Variants in RBFOX3 observed in about 807,000 individuals in gnomAD.
RBFOX3 encodes RNA binding fox-1 homolog 3.
A neutral mutation model predicts 48.7 loss-of-function variants in RBFOX3; 17 were observed. That is an observed-to-expected ratio of 0.35 (90% CI 0.24 to 0.52). The LOEUF (loss-of-function observed/expected upper bound fraction) is 0.52, where lower values mean the gene tolerates loss of function less well. Ranked by LOEUF, RBFOX3 falls within the 20% of genes least tolerant of loss-of-function variation. The probability of loss-of-function intolerance (pLI) is 0.94; values close to 1 mark genes in which losing one functional copy is unlikely to be tolerated. For missense variants in RBFOX3, 382 were observed against 497.5 expected, an observed-to-expected ratio of 0.77 and a Z score of 2.21; for synonymous variants, 212 against 209.5, an observed-to-expected ratio of 1.01 and a Z score of -0.10.
chr17:79,252,555 G>A lies in RBFOX3; in HGVS notation c.-73-16750C>T, dbSNP rs533999090. Among the ~76,000 whole-genome samples, 16 of 152,278 alleles carry A rather than the reference G, an allele frequency of 1.1e-4. No individual in the cohort carries two copies. Among genetic ancestry groups the A allele is most frequent in the Admixed American group, 2.6e-4 (4 of 15,302 alleles). Reference sequence around the variant, plus strand: ...ACAGGGAGGCAGTGGACTCTCCCTCGGAAATGAGCTCTGATGGTTCCTCGA... The same window carrying A: ...ACAGGGAGGCAGTGGACTCTCCCTCAGAAATGAGCTCTGATGGTTCCTCGA... On this transcript the variant is annotated intron_variant, in intron 3 of 14. Coordinates refer to ENST00000693108, the MANE Select transcript of RBFOX3 (RefSeq NM_001350451.2). The surrounding 1 kb of genome is among the most constrained non-coding windows in gnomAD (Gnocchi z 4.0).
At chr17:79,144,570 G>A (rs1437668529) in intron 4 of RBFOX3, among the ~76,000 whole-genome samples, 1 of 152,182 alleles carries the variant, frequency 6.6e-6, no homozygotes, top group African/African-American at 2.4e-5. Flanking sequence ...GGTGGAGGGG[G>A]CAGGGCTCAT....
intron 1 of RBFOX3, among the ~76,000 whole-genome samples, chr17:79,488,323 G>A (rs537245056): frequency 6.8e-5 from 10 of 147,944 alleles, no homozygotes; most frequent in African/African-American, 1.0e-4. Context: ...AGAAGTGGCC[G>A]GTGAGTTGAG....
At chr17:79,174,037 C>T (rs748940343) in intron 4 of RBFOX3, among the ~76,000 whole-genome samples, 2 of 152,042 alleles carry the variant, frequency 1.3e-5, no homozygotes, top group South Asian at 2.1e-4. Context: ...AAGTCCCATC[C>T]GCTTATTAGC....
At chr17:79,492,181 G>A (rs1416545192) in intron 1 of RBFOX3, among the ~76,000 whole-genome samples, 1 of 152,196 alleles carries the variant, frequency 6.6e-6, no homozygotes, top group Non-Finnish European at 1.5e-5. Context: ...ATGTCGGGGA[G>A]GAGGGTTGGT....
chr17:79,101,531 C>G, intron 9 of RBFOX3, 53 bp downstream of exon 9: 2 of 1,485,278 alleles, frequency 1.3e-6, no homozygotes, highest in Non-Finnish European at 9.2e-7. Context: ...CCCCCAGGGC[C>G]TCTGTCCCAG....
chr17:79,553,340 ATTATT>A (rs2091327897), intron 1 of RBFOX3, among the ~76,000 whole-genome samples: 1 of 152,170 alleles, frequency 6.6e-6, no homozygotes, highest in Non-Finnish European at 1.5e-5. Flanking sequence ...ACAGGGTATT[ATTATT>A]TTAAGATGAT....
Position 79,174,012 on chromosome 17 carries a change from G to A in RBFOX3, c.-33-58264C>T, listed in dbSNP as rs138579063. Reference sequence around the variant, plus strand: ...CCTTTTGCTTCCCCTGAATTTGTTGGTCTAGTTCCTTGTGAAGTCCCATCC... The same window carrying A: ...CCTTTTGCTTCCCCTGAATTTGTTGATCTAGTTCCTTGTGAAGTCCCATCC... On this transcript the variant is annotated intron_variant, in intron 4 of 14. Transcript: ENST00000693108. Among the ~76,000 whole-genome samples, 331 of 152,158 alleles carry A rather than the reference G, an allele frequency of 2.2e-3. 3 individuals carry two copies. The highest frequency in any genetic ancestry group is 7.7e-3 in the African/African-American group (318 of 41,510).
chr17:79,335,530 T>C (rs1478807072), intron 2 of RBFOX3, among the ~76,000 whole-genome samples: 1 of 152,180 alleles, frequency 6.6e-6, no homozygotes, highest in Non-Finnish European at 1.5e-5. Flanking sequence ...GAATCAGGAC[T>C]CCAGCCAGCC....
At chr17:79,416,595 A>G (rs1456787798) in intron 2 of RBFOX3, among the ~76,000 whole-genome samples, 2 of 152,168 alleles carry the variant, frequency 1.3e-5, no homozygotes, top group Non-Finnish European at 2.9e-5. Flanking sequence ...CAGCAGGTGA[A>G]CCCTGGGGCC....
the RBFOX3 span, among the ~76,000 whole-genome samples, chr17:79,645,284 C>T: frequency 6.6e-6 from 1 of 152,178 alleles, no homozygotes; most frequent in Admixed American, 6.5e-5. Flanking sequence ...AGCAAGTGCA[C>T]CTGTGTGGTG....
chr17:79,553,426 G>A (rs36166390), intron 1 of RBFOX3, among the ~76,000 whole-genome samples: 56,179 of 151,976 alleles, frequency 0.37, 11,053 homozygotes, highest in South Asian at 0.46. Flanking sequence ...CTGGCCTGTA[G>A]TTTTATTTTT....
intron 3 of RBFOX3, among the ~76,000 whole-genome samples, chr17:79,253,677 T>A (rs1006990290): frequency 6.6e-6 from 1 of 152,148 alleles, no homozygotes; most frequent in African/African-American, 2.4e-5. Flanking sequence ...GAATTTCAAA[T>A]CCCTGGCTGG....
At chr17:79,533,445 A>G (rs2088173479) in intron 1 of RBFOX3, among the ~76,000 whole-genome samples, 1 of 152,208 alleles carries the variant, frequency 6.6e-6, no homozygotes, top group African/African-American at 2.4e-5. Context: ...CATGCTCAAC[A>G]TGGTCTGCAC....
At chr17:79,564,165 A>T (rs1413474255) in intron 1 of RBFOX3, among the ~76,000 whole-genome samples, 2 of 152,254 alleles carry the variant, frequency 1.3e-5, no homozygotes, top group Non-Finnish European at 2.9e-5. Flanking sequence ...GCCCTGAGCC[A>T]TCCTGCTCTC....
chr17:79,557,219 C>T (rs1487790005), intron 1 of RBFOX3, among the ~76,000 whole-genome samples: 2 of 100,246 alleles, frequency 2.0e-5, no homozygotes, highest in African/African-American at 7.9e-5. Flanking sequence ...GAGTGAGACA[C>T]TGTCTCAAAA....
intron 1 of RBFOX3, among the ~76,000 whole-genome samples, chr17:79,501,275 C>A (rs2082345177): frequency 6.6e-6 from 1 of 152,226 alleles, no homozygotes; most frequent in South Asian, 2.1e-4. Context: ...ACAGACAGGC[C>A]CATTCACTGG....
In RBFOX3 at chr17:79,316,219, G is replaced by A. The variant is rs1214755553; in HGVS notation, c.-174-8395C>T. Among the ~76,000 whole-genome samples, 32 of 152,354 alleles carry A rather than the reference G, an allele frequency of 2.1e-4. 1 individual carries two copies. Among genetic ancestry groups the A allele is most frequent in the Middle Eastern group, 3.4e-3 (1 of 294 alleles). ...CTGGGGCTGAGGACGAGGCCATGCAGTGGCTTTGTGACTGTCTGGCAGGTG... is the reference window on the plus strand; with the variant it reads ...CTGGGGCTGAGGACGAGGCCATGCAATGGCTTTGTGACTGTCTGGCAGGTG... On this transcript the variant is annotated intron_variant, in intron 2 of 14. Coordinates refer to ENST00000693108, the MANE Select transcript of RBFOX3 (RefSeq NM_001350451.2).
intron 3 of RBFOX3, among the ~76,000 whole-genome samples, chr17:79,251,491 C>A (rs1243444080): frequency 1.3e-5 from 2 of 152,194 alleles, no homozygotes; most frequent in African/African-American, 4.8e-5. Flanking sequence ...TGGGCACAAC[C>A]CTTCCCCCTC....
intron 4 of RBFOX3, among the ~76,000 whole-genome samples, chr17:79,155,009 G>A (rs1465192042): frequency 6.6e-6 from 1 of 152,088 alleles, no homozygotes; most frequent in East Asian, 1.9e-4. Flanking sequence ...GGTGGCAGCC[G>A]TGCCAGGCAT....
Sources: allele counts gnomAD v4.1 joint callset (sites outside exome capture counted in the v4.1 genomes callset), GRCh38; gene constraint gnomAD v4.1.1; non-coding constraint Gnocchi (gnomAD v3.1); transcripts MANE v1.5; gene names NCBI Gene and HGNC (gene_info 2026-07-23, HGNC 2026-07-21).